Variants in PLEKHG4 observed in about 807,000 individuals in gnomAD.
PLEKHG4 encodes the protein puratrophin-1.
A neutral mutation model predicts 136.9 loss-of-function variants in PLEKHG4; 85 were observed. The observed-to-expected ratio is 0.62, with a 90% CI of 0.52 to 0.74. The LOEUF is 0.74. Ranked by LOEUF, PLEKHG4 falls within the 30% of genes least tolerant of loss-of-function variation. The pLI is 0.00. For synonymous variants in PLEKHG4, 577 were observed against 646.9 expected (o/e 0.89, Z 1.64); for missense variants, 1,317 against 1,527.8 (o/e 0.86, Z 2.30).
intron 11 of PLEKHG4, among the ~76,000 whole-genome samples, chr16:67,283,578 C>A (rs1441322939): frequency 6.6e-6 from 1 of 151,956 alleles, no homozygotes; most frequent in East Asian, 1.9e-4. Flanking sequence ...TTGCTATGTA[C>A]CCATGTGGGA....
Position 67,285,007 on chromosome 16 carries a change from G to C in PLEKHG4, c.1987G>C (p.Val663Leu). The change falls in exon 13 of 22, where the codon GTC becomes CTC. Residue 663 changes from valine (V) to leucine (L), a missense_variant. Physicochemically the swap from Val to Leu is conservative, Grantham distance 32. Coordinates refer to ENST00000379344, the MANE Select transcript of PLEKHG4 (RefSeq NM_001129729.3). ...CACAGCTAGCCTGTGTGTCAGCCAG[G>C]TCCCCGCTGCACCTGCCCACCCTCC... ...GSTASLCVSQ[V>L]PAAPAHPPLR... The C allele has an allele frequency of 6.2e-7, 1 of 1,613,606 alleles. No individual in the cohort carries two copies. The highest frequency in any genetic ancestry group is 8.5e-7 in the Non-Finnish European group (1 of 1,179,970).
In PLEKHG4 at chr16:67,281,178, A is replaced by G. The variant is rs763633832; in HGVS notation, c.807A>G (p.Gln269=). The change falls in exon 5 of 22, where the codon CAA becomes CAG. Residue 269 remains glutamine (Q), a synonymous_variant. Coordinates refer to ENST00000379344, the MANE Select transcript of PLEKHG4 (RefSeq NM_001129729.3). The part of the protein sequence containing the change: ...PSSSLFSGLS[Q]LQEAAPGAVY... ...CTTCCCTCTTCTCTGGGCTCAGCCAACTACAAGTGAGTACAGGATTGTAGC... is the reference window on the plus strand; with the variant it reads ...CTTCCCTCTTCTCTGGGCTCAGCCAGCTACAAGTGAGTACAGGATTGTAGC... 10 of 1,608,784 alleles carry G rather than the reference A, an allele frequency of 6.2e-6. No homozygotes were observed. Among genetic ancestry groups the G allele is most frequent in the South Asian group, 1.1e-5 (1 of 90,952 alleles).
Position 67,289,149 on chromosome 16 carries a change from A to C in PLEKHG4, c.*341A>C. 3 of 479,962 alleles carry C rather than the reference A, an allele frequency of 6.3e-6. No individual in the cohort carries two copies. Among genetic ancestry groups the C allele is most frequent in the Non-Finnish European group, 1.1e-5 (3 of 262,078 alleles). The allele number at this position is 479,962 out of a possible 1,614,324, so 29.7% of individuals were successfully genotyped here. A position where few individuals can be genotyped will look rare whatever the true frequency, so the allele number is the denominator to read the frequency against. On this transcript the variant is annotated 3_prime_UTR_variant, in exon 22 of 22. Coordinates refer to ENST00000379344, the MANE Select transcript of PLEKHG4 (RefSeq NM_001129729.3). ...GGGGACCATGTGCCTCTAGGCAGTG[A>C]CTAGGGTGCCCCCACCCCTCAGGAA... is the stretch of plus-strand genomic sequence containing the variant.
At position 67,287,050 on chromosome 16, in the gene PLEKHG4, C is replaced by A; in HGVS notation, c.2976C>A (p.Phe992Leu). The stretch of plus-strand genomic sequence containing the variant: ...GCTGTGGGAACAGCAACCTGCGCTT[C>A]GAGATCTGGTTCCGCCGCCGCAAGG... ...TECCGNSNLRFEIWFRRRKAR... is the reference protein window; with the variant it reads ...TECCGNSNLRLEIWFRRRKAR... Residue 992 changes from phenylalanine to leucine, a missense_variant, in exon 18 of 22, where the codon TTC becomes TTA. By Grantham distance (22) the Phe-to-Leu change is conservative. Coordinates refer to ENST00000379344, the MANE Select transcript of PLEKHG4 (RefSeq NM_001129729.3). 1 of 1,613,478 alleles carries A rather than the reference C, an allele frequency of 6.2e-7. No individual in the cohort carries two copies. Among genetic ancestry groups the A allele is most frequent in the Non-Finnish European group, 8.5e-7 (1 of 1,180,022 alleles).
At chr16:67,278,655 CT>C (rs1293207883), upstream of PLEKHG4, 3 of 152,278 alleles carry the variant, frequency 2.0e-5, no homozygotes, top group East Asian at 5.8e-4. Flanking sequence ...AGCCCGAGTG[CT>C]GGCAGCGGGT....
At chr16:67,287,820 A>G in intron 18 of PLEKHG4, 78 bp from the exon 19 acceptor site, 1 of 918,424 alleles carries the variant, frequency 1.1e-6, no homozygotes, top group East Asian at 2.4e-5. Flanking sequence ...TACAGGAAAG[A>G]CTTATCTGGG....
At position 67,284,817 on chromosome 16, in the gene PLEKHG4, T is replaced by C. The variant is rs773909181; in HGVS notation, c.1797T>C (p.Pro599=). ...TGCAGCTGCACTGGACCAGGCACCC[T>C]GACTTGCCTCCTGCCCACTTCCGAA... The part of the protein sequence containing the change: ...QQLQLHWTRH[P]DLPPAHFRKM... Residue 599 remains proline, a synonymous_variant, in exon 13 of 22, where the codon CCT becomes CCC. Transcript: ENST00000379344. This position sits in a 1 kb window ranked among gnomAD's most constrained non-coding sequence, Gnocchi z 4.4. The C allele has an allele frequency of 1.2e-6, 2 of 1,613,592 alleles. No individual in the cohort carries two copies. Among genetic ancestry groups the C allele is most frequent in the Admixed American group, 1.7e-5 (1 of 60,006 alleles).
chr16:67,281,614 G>A lies in PLEKHG4; in HGVS notation c.861G>A (p.Thr287=), dbSNP rs138442821. The A allele has an allele frequency of 5.5e-5, 89 of 1,613,982 alleles. No individual in the cohort carries two copies. The highest frequency in any genetic ancestry group is 1.4e-4 in the South Asian group (13 of 91,078). The change falls in exon 6 of 22, where the codon ACG becomes ACA. Residue 287 remains threonine, a synonymous_variant. Transcript: ENST00000379344. The part of the protein sequence containing the change: ...AVYQVLLVGS[T]LLKEVPSGLQ... ...ACCAGGTGCTGCTAGTGGGAAGCAC[G>A]CTGCTGAAGGAAGTGCCTTCCGGGC...
upstream of PLEKHG4, chr16:67,277,947 T>C (rs752983732): frequency 2.0e-5 from 3 of 152,340 alleles, no homozygotes; most frequent in Non-Finnish European, 4.4e-5. Flanking sequence ...GGGTGCCAGG[T>C]CAGCTATAGC....
chr16:67,285,911 A>G (rs1426646790), intron 14 of PLEKHG4, among the ~76,000 whole-genome samples: 1 of 152,088 alleles, frequency 6.6e-6, no homozygotes, highest in Non-Finnish European at 1.5e-5. Context: ...CAGAGGAAAG[A>G]GCAAGTACAA....
chr16:67,289,070 G>A lies in PLEKHG4; in HGVS notation c.*262G>A, dbSNP rs888203059. The A allele has an allele frequency of 8.3e-6, 5 of 603,428 alleles. No homozygotes were observed. The African/African-American group carries it at 9.2e-5, about 11-fold the overall frequency. 37.4% of individuals were successfully genotyped at this position (603,428 alleles called of 1,614,324 possible). On this transcript the variant is annotated 3_prime_UTR_variant, in exon 22 of 22. Transcript: ENST00000379344. The stretch of plus-strand genomic sequence containing the variant: ...TGTCCCCAGCTCCCATCCCAGTTGT[G>A]GGTTAAGAATAGGCTAGAGCAGACA...
At position 67,288,899 on chromosome 16, in the gene PLEKHG4, A is replaced by G. The variant is rs1470061219; in HGVS notation, c.*91A>G. On this transcript the variant is annotated 3_prime_UTR_variant, in exon 22 of 22. Transcript: ENST00000379344. ...CTGCTGTGACCAGGGTGTGGCTGACACCTGGGCTACCTCCAACCTACATGT... is the reference window on the plus strand; with the variant it reads ...CTGCTGTGACCAGGGTGTGGCTGACGCCTGGGCTACCTCCAACCTACATGT... 5.0e-6 allele frequency: 7 copies of G among 1,391,512 alleles called. No homozygotes were observed. Among genetic ancestry groups the G allele is most frequent in the Non-Finnish European group, 6.0e-6 (6 of 992,752 alleles). 86.2% of individuals were successfully genotyped at this position (1,391,512 alleles called of 1,614,324 possible). A position where few individuals can be genotyped will look rare whatever the true frequency, so the allele number is the denominator to read the frequency against.
rs771756062 is a variant in PLEKHG4 at position 67,288,303 on chromosome 16, C to T, written c.3357C>T (p.Asp1119=). ...CCCTCAACCTGCACCTGTACAGAGA[C>T]CCAGCTCTTCTGGGTCTCCGCTGTC... ...LGSLNLHLYR[D]PALLGLRCPL... is the part of the protein sequence containing the mutation. The change falls in exon 20 of 22, where the codon GAC becomes GAT. Residue 1119 remains aspartate (D), a synonymous_variant. Transcript: ENST00000379344. The T allele has an allele frequency of 6.8e-6, 11 of 1,612,784 alleles. No individual in the cohort carries two copies. The highest frequency in any genetic ancestry group is 9.3e-6 in the Non-Finnish European group (11 of 1,179,976).
At chr16:67,287,619 C>G in intron 18 of PLEKHG4, 1 of 537,106 alleles carries the variant, frequency 1.9e-6, no homozygotes, top group Non-Finnish European at 3.4e-6. Flanking sequence ...TCTTGAACTC[C>G]TGGGCTCAAA....
At chr16:67,277,802 G>A (rs1007039870), upstream of PLEKHG4, 4 of 152,368 alleles carry the variant, frequency 2.6e-5, no homozygotes, top group African/African-American at 9.7e-5. Flanking sequence ...CTGAAAGTAC[G>A]GAAGTGGATA....
chr16:67,279,891 C>T lies in PLEKHG4; in HGVS notation c.-154C>T. Reference sequence around the variant, plus strand: ...CTCTTCCCAGGCCTGAATTGCAGTTCCTGTGCCCTGGCACTAAGACTGGCA... The same window carrying T: ...CTCTTCCCAGGCCTGAATTGCAGTTTCTGTGCCCTGGCACTAAGACTGGCA... On this transcript the variant is annotated 5_prime_UTR_variant, in exon 2 of 22. Transcript: ENST00000379344. 1.4e-6 allele frequency: 1 copy of T among 701,642 alleles called. No individual in the cohort carries two copies. The highest frequency in any genetic ancestry group is 2.7e-5 in the East Asian group (1 of 36,830). The allele number at this position is 701,642 out of a possible 1,614,324, so 43.5% of individuals were successfully genotyped here. A position where few individuals can be genotyped will look rare whatever the true frequency, so the allele number is the denominator to read the frequency against.
At chr16:67,286,183 T>C (rs1363701095) in intron 14 of PLEKHG4, 91 bp from the exon 15 acceptor site, 8 of 879,784 alleles carry the variant, frequency 9.1e-6, no homozygotes, top group Non-Finnish European at 1.6e-5. Context: ...CTACTGGCAT[T>C]TTGGTCCTCT....
chr16:67,289,352 C>T lies in PLEKHG4; in HGVS notation c.*544C>T, dbSNP rs2036636899. The T allele has an allele frequency of 6.1e-6, 3 of 495,664 alleles. No individual in the cohort carries two copies. The highest frequency in any genetic ancestry group is 1.1e-5 in the Non-Finnish European group (3 of 282,170). 30.7% of individuals were successfully genotyped at this position (495,664 alleles called of 1,614,324 possible). A position where few individuals can be genotyped will look rare whatever the true frequency, so the allele number is the denominator to read the frequency against. On this transcript the variant is annotated 3_prime_UTR_variant, in exon 22 of 22. Coordinates refer to ENST00000379344, the MANE Select transcript of PLEKHG4 (RefSeq NM_001129729.3). ...TTTTGACTTGATGCCTTTTGAATAA[C>T]TTTCAATAGAATTGTCTAAAATTAT...
At position 67,284,928 on chromosome 16, in the gene PLEKHG4, G is replaced by A. The variant is rs1467116166; in HGVS notation, c.1908G>A (p.Trp636Ter). 6.2e-7 allele frequency: 1 copy of A among 1,612,790 alleles called. No individual in the cohort carries two copies. The highest frequency in any genetic ancestry group is 1.1e-5 in the South Asian group (1 of 91,076). Residue 636 changes from tryptophan to a stop codon, truncating the protein, a stop_gained, in exon 13 of 22, where the codon TGG (tryptophan) becomes TGA (stop). Transcript: ENST00000379344. LOFTEE classifies it high-confidence loss of function. The surrounding 1 kb of genome is among the most constrained non-coding windows in gnomAD (Gnocchi z 4.4). Reference protein sequence around the residue: ...RWAWARCQDTWLALDQKLEAS... With the variant: ...RWAWARCQDT ...CCTGGGCGCGGTGCCAGGACACCTG[G>A]CTGGCCCTGGACCAAAAGCTTGAGG... is the stretch of plus-strand genomic sequence containing the variant.
Sources: gnomAD v4.1 joint callset for allele counts (sites outside exome capture counted in the v4.1 genomes callset) on GRCh38, gnomAD v4.1.1 for gene constraint, Gnocchi (gnomAD v3.1) non-coding constraint, MANE v1.5 for transcripts, NCBI Gene and HGNC (gene_info 2026-07-23, HGNC 2026-07-21) for gene names.